Variants in CPED1 observed in about 807,000 individuals in gnomAD.
The protein encoded by CPED1 is cadherin like and PC-esterase domain containing 1.
A neutral mutation model predicts 128.2 loss-of-function variants in CPED1; 114 were observed. That is an observed-to-expected ratio of 0.89 (90% CI 0.76 to 1.04). The LOEUF (loss-of-function observed/expected upper bound fraction) is 1.04. CPED1 is among the 50% of genes least tolerant of loss of function. CPED1 has a pLI of 0.00. For synonymous variants in CPED1, 462 were observed against 426.7 expected, an observed-to-expected ratio of 1.08 and a Z score of -1.02; for missense variants, 1,211 against 1,207.1, an observed-to-expected ratio of 1.00 and a Z score of -0.05.
intron 3 of CPED1, among the ~76,000 whole-genome samples, chr7:121,045,822 G>GT (rs1313458473): frequency 1.3e-5 from 2 of 151,568 alleles, no homozygotes; most frequent in Non-Finnish European, 2.9e-5. Flanking sequence ...ACCCAGAGGG[G>GT]TTTTTTCCTG....
intron 2 of CPED1, among the ~76,000 whole-genome samples, chr7:121,013,709 G>T (rs1792219947): frequency 6.6e-6 from 1 of 152,174 alleles, no homozygotes; most frequent in Non-Finnish European, 1.5e-5. Flanking sequence ...TGCAGAGTTT[G>T]TGTCCTCCTG....
At chr7:121,135,825 T>C (rs1351191436) in intron 13 of CPED1, among the ~76,000 whole-genome samples, 2 of 152,026 alleles carry the variant, frequency 1.3e-5, no homozygotes, top group Non-Finnish European at 2.9e-5. Flanking sequence ...TCATTTTCTC[T>C]CTTAATATTT....
intron 5 of CPED1, among the ~76,000 whole-genome samples, chr7:121,090,029 C>A (rs114532557): frequency 6.6e-6 from 1 of 152,194 alleles, no homozygotes. Flanking sequence ...CTTTTATAAC[C>A]GACAAGAATG....
intron 18 of CPED1, chr7:121,261,672 G>T: frequency 6.2e-7 from 1 of 1,610,974 alleles, no homozygotes; most frequent in Non-Finnish European, 8.5e-7. Flanking sequence ...AGCCGTAATT[G>T]AAGACACAAT....
intron 22 of CPED1, among the ~76,000 whole-genome samples, chr7:121,280,471 A>G (rs1259630113): frequency 6.6e-6 from 1 of 152,202 alleles, no homozygotes; most frequent in African/African-American, 2.4e-5. Flanking sequence ...CTCAGCTGTC[A>G]GAGTAAGAAG....
At chr7:121,218,371 A>T (rs1297083474) in intron 16 of CPED1, among the ~76,000 whole-genome samples, 1 of 151,994 alleles carries the variant, frequency 6.6e-6, no homozygotes, top group Non-Finnish European at 1.5e-5. Context: ...TTTATTAAAT[A>T]TTCAACTCTC....
intron 3 of CPED1, among the ~76,000 whole-genome samples, chr7:121,039,470 A>T (rs761627922): frequency 2.6e-5 from 4 of 152,066 alleles, no homozygotes; most frequent in Non-Finnish European, 5.9e-5. Context: ...TTATTGGAGA[A>T]TGGTATTATA....
intron 7 of CPED1, among the ~76,000 whole-genome samples, chr7:121,122,381 T>C (rs1795412606): frequency 6.6e-6 from 1 of 152,174 alleles, no homozygotes; most frequent in African/African-American, 2.4e-5. Context: ...TCTCAGGTGA[T>C]CCACCCGCCT....
At chr7:121,258,226 C>G (rs902041451) in intron 18 of CPED1, among the ~76,000 whole-genome samples, 1 of 152,056 alleles carries the variant, frequency 6.6e-6, no homozygotes, top group African/African-American at 2.4e-5. Flanking sequence ...CTTTTTACAA[C>G]TTTTTTGATA....
At chr7:121,272,287 G>T (rs1792248283) in intron 22 of CPED1, among the ~76,000 whole-genome samples, 2 of 152,170 alleles carry the variant, frequency 1.3e-5, no homozygotes, top group South Asian at 4.1e-4. Context: ...TTCTGCGTTG[G>T]TCAGAGTAGA....
At chr7:121,244,554 T>C (rs1333877176) in intron 18 of CPED1, among the ~76,000 whole-genome samples, 1 of 152,218 alleles carries the variant, frequency 6.6e-6, no homozygotes, top group Non-Finnish European at 1.5e-5. Flanking sequence ...GTAACTCTGT[T>C]TGACAGATGG....
chr7:121,293,151 G>A (rs938009629), intron 22 of CPED1, among the ~76,000 whole-genome samples: 1 of 152,154 alleles, frequency 6.6e-6, no homozygotes, highest in Non-Finnish European at 1.5e-5. Context: ...CTCTGTCCCA[G>A]GGAGATGAGA....
chr7:121,092,836 G>A (rs1014462754), intron 5 of CPED1, among the ~76,000 whole-genome samples: 1 of 152,142 alleles, frequency 6.6e-6, no homozygotes, highest in Non-Finnish European at 1.5e-5. Context: ...TTCAGCTCTG[G>A]TGCTGAGACC....
Position 121,028,148 on chromosome 7 carries a change from G to A in CPED1, c.433+12300G>A, listed in dbSNP as rs567473145. 2.6e-5 allele frequency among the ~76,000 whole-genome samples: 4 copies of A among 152,250 alleles called. No homozygotes were observed. In the East Asian group the frequency reaches 7.7e-4, roughly 29 times the overall value. ...TGGAAGGCTTGTTAAGTTGCAGACT[G>A]CAGATTGCTGGGCCCTACTCACAGT... is the stretch of plus-strand genomic sequence containing the variant. On this transcript the variant is annotated intron_variant, in intron 3 of 22. Coordinates refer to ENST00000310396, the MANE Select transcript of CPED1 (RefSeq NM_024913.5).
chr7:120,997,927 AAAAATAAAATAAAAT>A (rs139357762), intron 2 of CPED1, among the ~76,000 whole-genome samples: 3,381 of 130,850 alleles, frequency 0.026, 77 homozygotes, highest in Middle Eastern at 0.053. Context: ...GGTCTCGAAA[AAAAATAAAATAAAAT>A]AAAATAAAAT....
intron 16 of CPED1, among the ~76,000 whole-genome samples, chr7:121,194,050 T>TATATATATATATATA (rs1797214417): frequency 9.2e-6 from 1 of 109,240 alleles, no homozygotes; most frequent in Non-Finnish European, 1.9e-5. Flanking sequence ...ATATATATAT[T>TATATATATATATATA]TTTTTTTTTT....
chr7:121,229,333 G>T (rs1480911130), intron 16 of CPED1, among the ~76,000 whole-genome samples: 2 of 151,978 alleles, frequency 1.3e-5, no homozygotes, highest in East Asian at 3.9e-4. Context: ...ATCTCCTAAA[G>T]TTATGCTCTA....
chr7:121,042,082 G>GAAAC (rs1793072097), intron 3 of CPED1, among the ~76,000 whole-genome samples: 3 of 151,552 alleles, frequency 2.0e-5, no homozygotes, highest in South Asian at 2.1e-4. Context: ...AGCCTGATCA[G>GAAAC]GAAGTTCTGG....
At chr7:121,271,112 G>A (rs1225370248) in intron 21 of CPED1, among the ~76,000 whole-genome samples, 172 bp from the exon 22 acceptor site, 3 of 151,854 alleles carry the variant, frequency 2.0e-5, no homozygotes, top group Non-Finnish European at 4.4e-5. Context: ...TGTATGTTTC[G>A]AGTAAAAAAA....
Sources: allele counts gnomAD v4.1 joint callset (sites outside exome capture counted in the v4.1 genomes callset), GRCh38; gene constraint gnomAD v4.1.1; transcripts MANE v1.5; gene names NCBI Gene and HGNC (gene_info 2026-07-23, HGNC 2026-07-21).